Variants in IAH1 observed in about 807,000 individuals in gnomAD.
IAH1 encodes isoamyl acetate hydrolyzing esterase 1 (putative).
A neutral mutation model predicts 26.7 loss-of-function variants in IAH1; 24 were observed. That is an observed-to-expected ratio of 0.90 (90% CI 0.65 to 1.26). The LOEUF is 1.26. IAH1 is among the 50% of genes most tolerant of loss of function. The probability of loss-of-function intolerance (pLI) is 0.00; values close to 1 mark genes in which losing one functional copy is unlikely to be tolerated. For missense variants in IAH1, 300 were observed against 299.9 expected (o/e 1.00, Z 0.00); for synonymous variants, 140 against 118.5 (o/e 1.18, Z -1.18).
rs577801051 is a variant in IAH1 at position 9,489,680 on chromosome 2, G to A, written c.*1351G>A. The A allele has an allele frequency of 7.7e-6, 1 of 129,278 alleles. No homozygotes were observed. The highest frequency in any genetic ancestry group is 3.0e-5 in the African/African-American group (1 of 33,608). The allele number at this position is 129,278 out of a possible 1,614,324, so 8.0% of individuals were successfully genotyped here. A position where few individuals can be genotyped will look rare whatever the true frequency, so the allele number is the denominator to read the frequency against. On this transcript the variant is annotated 3_prime_UTR_variant, in exon 6 of 6. Transcript: ENST00000497473. ...TAACTAGAAATAGACCCACAATTTA[G>A]AGACAATGTATACTAGATTTATCTC... is the stretch of plus-strand genomic sequence containing the variant.
intron 3 of IAH1, among the ~76,000 whole-genome samples, chr2:9,479,085 C>G (rs1660996771): frequency 6.6e-6 from 1 of 152,128 alleles, no homozygotes; most frequent in South Asian, 2.1e-4. Flanking sequence ...GGAACACCAA[C>G]TGCAGTAAGA....
In IAH1 at chr2:9,488,393, G is replaced by GTA. The variant is rs1289969190; in HGVS notation, c.*65_*66dup. The GTA allele has an allele frequency of 1.7e-5, 23 of 1,320,474 alleles. No individual in the cohort carries two copies. The highest frequency in any genetic ancestry group is 4.4e-5 in the African/African-American group (3 of 67,494). 81.8% of individuals were successfully genotyped at this position (1,320,474 alleles called of 1,614,324 possible). On this transcript the variant is annotated 3_prime_UTR_variant, in exon 6 of 6. Coordinates refer to ENST00000497473, the MANE Select transcript of IAH1 (RefSeq NM_001039613.3). ...AACTCAAAGTTGTCAATACGTAGAGGTACGCTTTTTTCCTCAGGCTTAAAC... is the reference window on the plus strand; with the variant it reads ...AACTCAAAGTTGTCAATACGTAGAGGTATACGCTTTTTTCCTCAGGCTTAAAC...
At chr2:9,483,384 C>T (rs1258177249) in intron 4 of IAH1, among the ~76,000 whole-genome samples, 1 of 152,192 alleles carries the variant, frequency 6.6e-6, no homozygotes, top group Non-Finnish European at 1.5e-5. Flanking sequence ...GCTGGAACCA[C>T]AGGCATGTGC....
intron 4 of IAH1, among the ~76,000 whole-genome samples, chr2:9,483,405 A>G (rs1468057831): frequency 1.1e-4 from 16 of 152,302 alleles, no homozygotes; most frequent in Non-Finnish European, 1.5e-5. Flanking sequence ...AACCATGCTC[A>G]GCTAATTTTT....
Position 9,476,450 on chromosome 2 carries a change from T to C in IAH1, c.134+411T>C, listed in dbSNP as rs76803917. On this transcript the variant is annotated intron_variant, in intron 2 of 5. Coordinates refer to ENST00000497473, the MANE Select transcript of IAH1 (RefSeq NM_001039613.3). ...ACAATTCTACCGCACTTTGTTTTGGTTTTTGGTGGTTTTTGTTTTGCGACA... is the reference window on the plus strand; with the variant it reads ...ACAATTCTACCGCACTTTGTTTTGGCTTTTGGTGGTTTTTGTTTTGCGACA... 9.4e-3 allele frequency among the ~76,000 whole-genome samples: 1,433 copies of C among 152,290 alleles called. 25 individuals carry two copies. Among genetic ancestry groups the C allele is most frequent in the African/African-American group, 0.033 (1,351 of 41,558 alleles).
In IAH1 at chr2:9,474,902, C is replaced by A; in HGVS notation, c.81+255C>A. The A allele has an allele frequency of 3.2e-6, 2 of 629,574 alleles. No homozygotes were observed. Among genetic ancestry groups the A allele is most frequent in the Non-Finnish European group, 4.3e-6 (2 of 463,694 alleles). 39.0% of individuals were successfully genotyped at this position (629,574 alleles called of 1,614,324 possible). A position where few individuals can be genotyped will look rare whatever the true frequency, so the allele number is the denominator to read the frequency against. ...ACAGACGCGAGGGGACCCGGCCGCGCTGCCCGCCCCGCGCCGCCTCCCACC... is the reference window on the plus strand; with the variant it reads ...ACAGACGCGAGGGGACCCGGCCGCGATGCCCGCCCCGCGCCGCCTCCCACC... On this transcript the variant is annotated intron_variant, in intron 1 of 5. Coordinates refer to ENST00000497473, the MANE Select transcript of IAH1 (RefSeq NM_001039613.3). This position sits in a 1 kb window ranked among gnomAD's most constrained non-coding sequence, Gnocchi z 4.3.
downstream of IAH1, chr2:9,493,819 A>AT (rs1662348247): frequency 6.2e-7 from 1 of 1,613,642 alleles, no homozygotes; most frequent in Admixed American, 1.7e-5. Flanking sequence ...CGTTTCTCAC[A>AT]TTTGCCCTAT....
At chr2:9,504,873 T>C in the IAH1 span, among the ~76,000 whole-genome samples, 1 of 152,078 alleles carries the variant, frequency 6.6e-6, no homozygotes, top group South Asian at 2.1e-4. Flanking sequence ...GAAAGCTTCT[T>C]CTTTTCTTAT....
chr2:9,498,725 G>C (rs918591872), downstream of IAH1, among the ~76,000 whole-genome samples: 1 of 152,172 alleles, frequency 6.6e-6, no homozygotes. Flanking sequence ...AACTATTACT[G>C]AAAGTATGAT....
downstream of IAH1, among the ~76,000 whole-genome samples, chr2:9,499,223 C>G (rs1035753687): frequency 6.7e-6 from 1 of 148,872 alleles, no homozygotes; most frequent in East Asian, 2.0e-4. Context: ...TATAAAATAT[C>G]AAGGGAACAA....
chr2:9,500,961 G>A (rs1662964491), downstream of IAH1, among the ~76,000 whole-genome samples: 1 of 152,134 alleles, frequency 6.6e-6, no homozygotes, highest in African/African-American at 2.4e-5. Flanking sequence ...CATCCGCCAT[G>A]GCTTTTCTGA....
chr2:9,487,213 G>C (rs1005207763), intron 5 of IAH1, among the ~76,000 whole-genome samples: 1 of 152,136 alleles, frequency 6.6e-6, no homozygotes, highest in Admixed American at 6.5e-5. Flanking sequence ...CTGCACTCCA[G>C]CCTGGGCAGC....
At chr2:9,498,516 T>TG (rs1346054294), downstream of IAH1, among the ~76,000 whole-genome samples, 7 of 152,212 alleles carry the variant, frequency 4.6e-5, no homozygotes, top group East Asian at 1.3e-3. Context: ...GCCTTTCAGC[T>TG]GAAGAATGAA....
At chr2:9,508,343 G>A in the IAH1 span, among the ~76,000 whole-genome samples, 1 of 152,126 alleles carries the variant, frequency 6.6e-6, no homozygotes, top group Admixed American at 6.5e-5. Context: ...ATCAACTTAT[G>A]ACTTCACAGC....
At chr2:9,502,420 C>A in the IAH1 span, 8 of 669,820 alleles carry the variant, frequency 1.2e-5, no homozygotes, top group Admixed American at 7.9e-5. Context: ...CATCAGACAT[C>A]TCCGCTGCTA....
chr2:9,497,022 G>A (rs1662662738), downstream of IAH1: 3 of 1,545,026 alleles, frequency 1.9e-6, no homozygotes, highest in East Asian at 2.3e-5. Context: ...CACCACTGCT[G>A]TCATTCGCAC....
At chr2:9,475,950 A>G in intron 1 of IAH1, 37 bp from the exon 2 acceptor site, 3 of 1,586,458 alleles carry the variant, frequency 1.9e-6, no homozygotes, top group Non-Finnish European at 1.7e-6. Context: ...GCCCGGTTAC[A>G]GTCATTAGTA....
chr2:9,510,153 A>G, the IAH1 span: 2 of 1,613,364 alleles, frequency 1.2e-6, no homozygotes, highest in African/African-American at 1.3e-5. Context: ...TGCAAAGAAA[A>G]CATTATTTCT....
In IAH1 at chr2:9,484,418, C is replaced by G; in HGVS notation, c.446-14C>G. ...GGTTTACCAACTGCCACCTCTATTTCTTCTCTTCAATAGGTTGCAAACTAA... is the reference window on the plus strand; with the variant it reads ...GGTTTACCAACTGCCACCTCTATTTGTTCTCTTCAATAGGTTGCAAACTAA... On this transcript the variant is annotated splice_polypyrimidine_tract_variant and intron_variant, in intron 4 of 5. Coordinates refer to ENST00000497473, the MANE Select transcript of IAH1 (RefSeq NM_001039613.3). 1 of 1,603,822 alleles carries G rather than the reference C, an allele frequency of 6.2e-7. No individual in the cohort carries two copies. Among genetic ancestry groups the G allele is most frequent in the Admixed American group, 1.7e-5 (1 of 60,024 alleles).
Sources: gnomAD v4.1 joint callset for allele counts (sites outside exome capture counted in the v4.1 genomes callset) on GRCh38, gnomAD v4.1.1 for gene constraint, Gnocchi (gnomAD v3.1) non-coding constraint, MANE v1.5 for transcripts, NCBI Gene and HGNC (gene_info 2026-07-23, HGNC 2026-07-21) for gene names.